RBM4: variants seen among roughly 807,000 people sequenced by gnomAD.
RBM4 encodes RNA-binding protein 4.
In RBM4, 7 loss-of-function variants were observed where a neutral mutation model predicts 29.5. The observed-to-expected ratio is 0.24, with a 90% confidence interval of 0.14 to 0.45. The LOEUF (loss-of-function observed/expected upper bound fraction) is 0.45. Among genes scored for constraint, RBM4 ranks in the 20% least tolerant of loss-of-function variants. The pLI is 1.00. For missense variants in RBM4, 387 were observed against 502.3 expected, an observed-to-expected ratio of 0.77 and a Z score of 2.19; for synonymous variants, 220 against 205.4, an observed-to-expected ratio of 1.07 and a Z score of -0.61.
exon 3 of RBM4, chr11:66,666,602 C>A (rs1939238024): frequency 5.8e-6 from 1 of 172,372 alleles, no homozygotes; most frequent in African/African-American, 2.4e-5. Context: ...CTTTTGAAGA[C>A]CACAATATAT....
intron 3 of RBM4, 37 bp downstream of exon 3, chr11:66,644,177 C>T (rs1938589635): frequency 6.3e-7 from 1 of 1,575,282 alleles, no homozygotes; most frequent in South Asian, 1.2e-5. Context: ...CTGGTTTTGC[C>T]ATCCCTCCTG....
chr11:66,665,816 T>C lies in RBM4; in HGVS notation c.413-40T>C. On this transcript the variant is annotated intron_variant, in intron 2 of 2. Transcript: ENST00000396053. The stretch of plus-strand genomic sequence containing the variant: ...GACAAGATGCAATCTAGCTGAAGAA[T>C]GTGTTGGTGATAAATACATCTTTCT... The C allele has an allele frequency of 2.0e-6, 3 of 1,476,542 alleles. No homozygotes were observed. In the South Asian group the frequency reaches 3.7e-5, roughly 18 times the overall value. 91.5% of individuals were successfully genotyped at this position (1,476,542 alleles called of 1,614,324 possible).
At chr11:66,648,971 T>C (rs1938767100), downstream of RBM4, among the ~76,000 whole-genome samples, 1 of 150,802 alleles carries the variant, frequency 6.6e-6, no homozygotes, top group African/African-American at 2.4e-5. Flanking sequence ...TACTAGATGC[T>C]TTTGCATTTT....
chr11:66,639,632 G>A, intron 1 of RBM4, 68 bp from the exon 2 acceptor site: 2 of 1,541,262 alleles, frequency 1.3e-6, no homozygotes, highest in Non-Finnish European at 1.8e-6. Flanking sequence ...TAGAGTGAAA[G>A]TCGTTGTCTT....
At chr11:66,644,760 A>G (rs1938619570) in intron 3 of RBM4, 5 of 898,048 alleles carry the variant, frequency 5.6e-6, no homozygotes, top group Middle Eastern at 5.7e-4. Context: ...TGGGGTAGAG[A>G]GAAATACAAA....
chr11:66,649,583 T>G (rs1938782835), downstream of RBM4, among the ~76,000 whole-genome samples: 1 of 152,350 alleles, frequency 6.6e-6, no homozygotes, highest in South Asian at 2.1e-4. Context: ...ACTCACTGAT[T>G]TTCAACATCA....
chr11:66,643,383 G>A lies in RBM4; in HGVS notation c.413-67G>A. 3.3e-6 allele frequency: 5 copies of A among 1,536,978 alleles called. No homozygotes were observed. Among genetic ancestry groups the A allele is most frequent in the Non-Finnish European group, 2.6e-6 (3 of 1,138,528 alleles). ...AGATAAAGCCATTGCTATGACCAGT[G>A]TCTGGGGTAGGGGCTGGGGCTATGA... On this transcript the variant is annotated intron_variant, in intron 2 of 3. Transcript: ENST00000310092. This position sits in a 1 kb window ranked among gnomAD's most constrained non-coding sequence, Gnocchi z 6.1.
Position 66,655,286 on chromosome 11 carries a change from CTTCTT to C in RBM4, c.413-10562_413-10558del, listed in dbSNP as rs1288416402. On this transcript the variant is annotated intron_variant, in intron 2 of 2. Coordinates refer to the RBM4 transcript ENST00000396053. The stretch of plus-strand genomic sequence containing the variant: ...CAGGCATGAGCCACTGCACTCGGCA[CTTCTT>C]TTCTTTTTTTTTTTTTGAGACAGGG... Among the ~76,000 whole-genome samples the C allele has an allele frequency of 5.0e-4, 76 of 151,208 alleles. 1 individual carries two copies. Among genetic ancestry groups the C allele is most frequent in the Non-Finnish European group, 6.8e-4 (46 of 67,774 alleles).
chr11:66,639,609 T>C, intron 1 of RBM4, 91 bp from the exon 2 acceptor site: 1 of 1,478,716 alleles, frequency 6.8e-7, no homozygotes, highest in South Asian at 1.3e-5. Context: ...GAGAGAAAAC[T>C]GGAAATATAC....
At chr11:66,646,895 C>G (rs889286526), downstream of RBM4, among the ~76,000 whole-genome samples, 8 of 152,186 alleles carry the variant, frequency 5.3e-5, no homozygotes, top group African/African-American at 1.9e-4. Flanking sequence ...GAAGCTGTGG[C>G]TCCAAGAGTA....
chr11:66,643,388 G>A lies in RBM4; in HGVS notation c.413-62G>A. 6.5e-7 allele frequency: 1 copy of A among 1,543,096 alleles called. No homozygotes were observed. Among genetic ancestry groups the A allele is most frequent in the Non-Finnish European group, 8.8e-7 (1 of 1,141,092 alleles). On this transcript the variant is annotated intron_variant, in intron 2 of 3. Transcript: ENST00000310092. The surrounding 1 kb of genome is among the most constrained non-coding windows in gnomAD (Gnocchi z 6.1). ...AAGCCATTGCTATGACCAGTGTCTG[G>A]GGTAGGGGCTGGGGCTATGACTAAG...
rs537064881 is a variant in RBM4, at chr11:66,653,537, T to G, written c.413-12319T>G. On this transcript the variant is annotated intron_variant, in intron 2 of 2. Transcript: ENST00000396053. ...CCACCACGCCCAGCTTACTTTTGTA[T>G]TTTTAGTAGAGACAGGGTTTCACCA... 3.3e-5 allele frequency among the ~76,000 whole-genome samples: 5 copies of G among 152,236 alleles called. No homozygotes were observed. The East Asian group carries it at 9.6e-4, about 29-fold the overall frequency.
At chr11:66,645,590 GA>G (rs1160364050) in intron 3 of RBM4, among the ~76,000 whole-genome samples, 1 of 152,090 alleles carries the variant, frequency 6.6e-6, no homozygotes, top group African/African-American at 2.4e-5. Flanking sequence ...GACTTTGAAT[GA>G]TTTTTAACTC....
At chr11:66,640,186 A>G in intron 2 of RBM4, 63 bp downstream of exon 2, 1 of 1,600,486 alleles carries the variant, frequency 6.2e-7, no homozygotes, top group Non-Finnish European at 8.6e-7. Context: ...TGGTTGGATA[A>G]GTAAAAGGAG....
intron 3 of RBM4, 158 bp downstream of exon 3, chr11:66,644,298 C>A: frequency 9.7e-7 from 1 of 1,034,620 alleles, no homozygotes; most frequent in African/African-American, 1.6e-5. Flanking sequence ...AACTGCTTAA[C>A]TTTAAAATAC....
At chr11:66,653,362 A>T (rs1018298969) in intron 2 of RBM4, among the ~76,000 whole-genome samples, 9 of 135,888 alleles carry the variant, frequency 6.6e-5, no homozygotes, top group Admixed American at 1.5e-4. Context: ...CTACTTAATG[A>T]TTTTTTTTTT....
Position 66,646,324 on chromosome 11 carries a change from C to T in RBM4, c.*306C>T. 7.8e-7 allele frequency: 1 copy of T among 1,279,014 alleles called. No individual in the cohort carries two copies. The highest frequency in any genetic ancestry group is 2.2e-5 in the South Asian group (1 of 45,624). The allele number at this position is 1,279,014 out of a possible 1,614,324, so 79.2% of individuals were successfully genotyped here. On this transcript the variant is annotated 3_prime_UTR_variant, in exon 4 of 4. Coordinates refer to ENST00000310092, the MANE Select transcript of RBM4 (RefSeq NM_002896.4). ...TGGGGGCTGTGCTGTCTCCTCCCTG[C>T]CTCCTGCCTCCTGCGGCTGTTGGAT...
At chr11:66,644,194 A>G (rs1251616961) in intron 3 of RBM4, 54 bp downstream of exon 3, 31 of 1,550,822 alleles carry the variant, frequency 2.0e-5, no homozygotes, top group Non-Finnish European at 2.7e-5. Context: ...CCTGCAGCCT[A>G]AAGGGCTCCA....
intron 3 of RBM4, chr11:66,644,590 A>C (rs1045218658): frequency 1.4e-6 from 1 of 704,688 alleles, no homozygotes; most frequent in African/African-American, 1.9e-5. Context: ...ATGACCCCTG[A>C]TGATAAAGTC....
Sources: gnomAD v4.1 joint callset for allele counts (sites outside exome capture counted in the v4.1 genomes callset) on GRCh38, gnomAD v4.1.1 for gene constraint, Gnocchi (gnomAD v3.1) non-coding constraint, MANE v1.5 for transcripts, NCBI Gene and HGNC (gene_info 2026-07-23, HGNC 2026-07-21) for gene names.